Variants in CCDC169 observed in about 807,000 individuals in gnomAD.
The protein encoded by CCDC169 is coiled-coil domain containing 169, also known as coiled-coil domain-containing protein 169.
In CCDC169, 30 loss-of-function variants were observed where a neutral mutation model predicts 36.0. That is an observed-to-expected ratio of 0.83 (90% CI 0.62 to 1.13). The LOEUF is 1.13. Ranked by LOEUF, CCDC169 falls within the 50% of genes most tolerant of loss-of-function variation. CCDC169 has a pLI of 0.00. For missense variants in CCDC169, 245 were observed against 245.9 expected, an observed-to-expected ratio of 1.00 and a Z score of 0.03; for synonymous variants, 85 against 81.5, an observed-to-expected ratio of 1.04 and a Z score of -0.23.
intron 6 of CCDC169, among the ~76,000 whole-genome samples, chr13:36,250,850 GTTTTAACAA>G (rs963847646): frequency 3.3e-5 from 5 of 152,144 alleles, no homozygotes; most frequent in African/African-American, 9.7e-5. Flanking sequence ...ATCATATGAT[GTTTTAACAA>G]TTTTAACAAT....
At position 36,254,097 on chromosome 13, in the gene CCDC169, G is replaced by T. The variant is rs1175842115; in HGVS notation, c.362C>A (p.Thr121Asn). 1 of 1,547,704 alleles carries T rather than the reference G, an allele frequency of 6.5e-7. No homozygotes were observed. The highest frequency in any genetic ancestry group is 1.2e-5 in the South Asian group (1 of 83,368). ...ATAGTATTTCACTTGACTTTCAAGA[G>T]TCTTCTTTTCTTCTTCTAGCTGTTT... Reference protein sequence around the residue: ...LLKQLEEEKKTLESQVKYYAL... With the variant: ...LLKQLEEEKKNLESQVKYYAL... The change falls in exon 5 of 8, where the codon ACT (threonine) becomes AAT (asparagine). Residue 121 changes from threonine (T) to asparagine (N), a missense_variant. Thr to Asn is a moderately conservative substitution (Grantham distance 65). Coordinates refer to ENST00000239859, the MANE Select transcript of CCDC169 (RefSeq NM_001144981.3).
chr13:36,229,540 G>GTTTT (rs10665867), downstream of CCDC169, among the ~76,000 whole-genome samples: 17 of 133,440 alleles, frequency 1.3e-4, 1 homozygote, highest in African/African-American at 2.3e-4. Flanking sequence ...TTATAATAAT[G>GTTTT]TTTTTTTTTT....
downstream of CCDC169, among the ~76,000 whole-genome samples, chr13:36,229,540 G>GTTT (rs10665867): frequency 5.8e-3 from 768 of 133,414 alleles, 26 homozygotes; most frequent in African/African-American, 1.0e-2. Flanking sequence ...TTATAATAAT[G>GTTT]TTTTTTTTTT....
At chr13:36,222,156 T>C (rs1869645856), downstream of CCDC169, 1 of 152,136 alleles carries the variant, frequency 6.6e-6, no homozygotes. Flanking sequence ...CAACTGCAGA[T>C]ATTGACATGC....
chr13:36,295,784 T>C lies in CCDC169; in HGVS notation c.157A>G (p.Asn53Asp), dbSNP rs1214214220. The C allele has an allele frequency of 2.0e-6, 3 of 1,509,694 alleles. No homozygotes were observed. The highest frequency in any genetic ancestry group is 2.5e-5 in the East Asian group (1 of 40,420). The allele number at this position is 1,509,694 out of a possible 1,614,324, so 93.5% of individuals were successfully genotyped here. ...TAAGTATTTACTTATATACCTTCATTGTCAGTATTGAGTTTGGCTTCCAGT... is the reference window on the plus strand; with the variant it reads ...TAAGTATTTACTTATATACCTTCATCGTCAGTATTGAGTTTGGCTTCCAGT... ...TELEAKLNTD[N>D]EGSEWKTRYE... Residue 53 changes from asparagine (N) to aspartate (D), a missense_variant, in exon 2 of 8, where the codon AAT becomes GAT. Coordinates refer to ENST00000239859, the MANE Select transcript of CCDC169 (RefSeq NM_001144981.3).
intron 4 of CCDC169, among the ~76,000 whole-genome samples, chr13:36,254,715 ACT>A (rs1204764894): frequency 1.3e-5 from 2 of 152,132 alleles, no homozygotes; most frequent in African/African-American, 4.8e-5. Context: ...CAAACCTAAC[ACT>A]CTCTATCAAA....
Position 36,254,078 on chromosome 13 carries a change from T to A in CCDC169, c.381A>T (p.Lys127Asn). The A allele has an allele frequency of 6.5e-7, 1 of 1,548,806 alleles. No homozygotes were observed. Among genetic ancestry groups the A allele is most frequent in the East Asian group, 2.5e-5 (1 of 40,800 alleles). Residue 127 changes from lysine (K) to asparagine (N), a missense_variant, in exon 5 of 8, where the codon AAA becomes AAT. Transcript: ENST00000239859. ...CTTGTTCCAGTTTAAGTGCATAGTA[T>A]TTCACTTGACTTTCAAGAGTCTTCT... ...EEKKTLESQV[K>N]YYALKLEQES...
chr13:36,295,563 T>C (rs1879380339), intron 2 of CCDC169, among the ~76,000 whole-genome samples: 1 of 152,164 alleles, frequency 6.6e-6, no homozygotes, highest in Non-Finnish European at 1.5e-5. Context: ...ATTTTGAACT[T>C]GAAAGGTAGA....
rs528625608 is a variant in CCDC169, at chr13:36,271,461, G to A, written c.315+12008C>T. Among the ~76,000 whole-genome samples the A allele has an allele frequency of 2.1e-4, 32 of 152,248 alleles. 1 individual carries two copies. Among genetic ancestry groups the A allele is most frequent in the African/African-American group, 7.7e-4 (32 of 41,552 alleles). ...ACAAAAAAGACACTTGCACACATAT[G>A]TTTATAGGAGCACAATTCATAATTG... On this transcript the variant is annotated intron_variant, in intron 4 of 7. Transcript: ENST00000239859.
At chr13:36,260,351 T>C (rs2138512067) in intron 4 of CCDC169, among the ~76,000 whole-genome samples, 1 of 152,302 alleles carries the variant, frequency 6.6e-6, no homozygotes, top group East Asian at 1.9e-4. Flanking sequence ...CGATTTTTAC[T>C]TCCTGGTGAA....
Position 36,248,650 on chromosome 13 carries a change from T to C in CCDC169, c.501A>G (p.Gln167=), listed in dbSNP as rs748157696. 1 of 1,550,692 alleles carries C rather than the reference T, an allele frequency of 6.4e-7. No individual in the cohort carries two copies. ...GSGLHQVSKR[Q]QVDQLPRMQE... ...GCATCCTAGGCAGTTGATCCACCTG[T>C]TGCCTTTTAGAAACTTGATGTAAAC... The change falls in exon 7 of 8, where the codon CAA becomes CAG. Residue 167 remains glutamine (Q), a synonymous_variant. Transcript: ENST00000239859.
At chr13:36,297,335 C>T (rs1183361659) in intron 1 of CCDC169, among the ~76,000 whole-genome samples, 1 of 151,918 alleles carries the variant, frequency 6.6e-6, no homozygotes, top group Non-Finnish European at 1.5e-5. Flanking sequence ...TTTATGGAGA[C>T]ATCAAAACCA....
chr13:36,235,453 G>A (rs2322897), intron 7 of CCDC169, among the ~76,000 whole-genome samples: 61,466 of 151,210 alleles, frequency 0.41, 13,233 homozygotes, highest in Non-Finnish European at 0.48. Context: ...ATATATTTAC[G>A]GCCATAAATT....
At chr13:36,253,883 T>A (rs1193202802) in intron 5 of CCDC169, 27 bp from the exon 6 acceptor site, 1 of 1,550,208 alleles carries the variant, frequency 6.5e-7, no homozygotes, top group South Asian at 1.2e-5. Flanking sequence ...AAGCAAAGGG[T>A]CCAACATATG....
chr13:36,293,281 A>G (rs533169102), intron 2 of CCDC169, among the ~76,000 whole-genome samples: 89 of 152,282 alleles, frequency 5.8e-4, no homozygotes, highest in African/African-American at 1.8e-3. Flanking sequence ...TATCTCCTTC[A>G]TAAACTTTAA....
intron 4 of CCDC169, among the ~76,000 whole-genome samples, chr13:36,267,553 A>C (rs1447179542): frequency 1.3e-5 from 2 of 150,754 alleles, no homozygotes; most frequent in Non-Finnish European, 2.9e-5. Flanking sequence ...AACACAATGA[A>C]AAAAAACTAT....
intron 4 of CCDC169, among the ~76,000 whole-genome samples, chr13:36,259,933 C>T (rs1014234703): frequency 2.0e-5 from 3 of 152,338 alleles, no homozygotes. Context: ...GGCTGACAGG[C>T]CTGCCTGAGG....
intron 7 of CCDC169, among the ~76,000 whole-genome samples, chr13:36,236,106 C>T (rs545330945): frequency 6.6e-6 from 1 of 152,002 alleles, no homozygotes; most frequent in East Asian, 1.9e-4. Context: ...AACATACTCT[C>T]TCCATCAAAA....
chr13:36,262,085 A>T (rs1376546947), intron 4 of CCDC169, among the ~76,000 whole-genome samples: 2 of 152,096 alleles, frequency 1.3e-5, no homozygotes, highest in Non-Finnish European at 2.9e-5. Context: ...ATAACTGTCT[A>T]CCCCTCTAGT....
Sources: allele counts gnomAD v4.1 joint callset (sites outside exome capture counted in the v4.1 genomes callset), GRCh38; gene constraint gnomAD v4.1.1; transcripts MANE v1.5; gene names NCBI Gene and HGNC (gene_info 2026-07-23, HGNC 2026-07-21).